The following C1QTNF3 variants were observed in gnomAD, a reference collection of about 807,000 sequenced individuals.
C1QTNF3 encodes complement C1q tumor necrosis factor-related protein 3.
In C1QTNF3, 26 loss-of-function variants were observed where a neutral mutation model predicts 32.6. The ratio of observed to expected loss-of-function variants is 0.80; its 90% CI spans 0.58 to 1.11. The LOEUF (loss-of-function observed/expected upper bound fraction) is 1.11, where lower values mean the gene tolerates loss of function less well. C1QTNF3 is among the 50% of genes least tolerant of loss of function. The probability of loss-of-function intolerance (pLI) is 0.00; values close to 1 mark genes in which losing one functional copy is unlikely to be tolerated. For missense variants in C1QTNF3, 362 were observed against 398.2 expected (o/e 0.91, Z 0.77); for synonymous variants, 155 against 146.0 (o/e 1.06, Z -0.44).
At chr5:34,028,665 C>T (rs756362321) in intron 4 of C1QTNF3, 89 bp downstream of exon 4, 24 of 1,140,102 alleles carry the variant, frequency 2.1e-5, no homozygotes, top group East Asian at 5.4e-5. Flanking sequence ...TCCCTTTCTC[C>T]GTCCCTCCCT....
At chr5:34,052,062 C>T in the C1QTNF3 span, among the ~76,000 whole-genome samples, 1,026 of 152,214 alleles carry the variant, frequency 6.7e-3, 11 homozygotes, top group South Asian at 0.046. Context: ...TGCTCGAACC[C>T]CGGAGGTGAA....
the C1QTNF3 span, among the ~76,000 whole-genome samples, chr5:34,197,396 C>G: frequency 3.3e-5 from 5 of 152,220 alleles, no homozygotes; most frequent in African/African-American, 7.2e-5. Flanking sequence ...GTGCCATTCT[C>G]TTATAAAAGA....
chr5:34,215,930 G>A, the C1QTNF3 span, among the ~76,000 whole-genome samples: 2 of 152,166 alleles, frequency 1.3e-5, no homozygotes, highest in Non-Finnish European at 2.9e-5. Context: ...ACTATGCCAG[G>A]ACTCTCTCAT....
At chr5:34,223,151 T>C in the C1QTNF3 span, among the ~76,000 whole-genome samples, 2 of 142,922 alleles carry the variant, frequency 1.4e-5, no homozygotes, top group Non-Finnish European at 3.1e-5. Flanking sequence ...ATATATCTCC[T>C]AATGCTATCC....
At chr5:34,044,073 A>C (rs1204273620), upstream of C1QTNF3, among the ~76,000 whole-genome samples, 1 of 152,198 alleles carries the variant, frequency 6.6e-6, no homozygotes, top group African/African-American at 2.4e-5. Context: ...CCCTGTCTCT[A>C]CTTAAAAAAT....
chr5:34,229,108 C>T, the C1QTNF3 span, among the ~76,000 whole-genome samples: 1 of 152,060 alleles, frequency 6.6e-6, no homozygotes, highest in Admixed American at 6.6e-5. Context: ...GGAAAGAAAG[C>T]TTATGCCTAC....
the C1QTNF3 span, among the ~76,000 whole-genome samples, chr5:34,173,351 C>T: frequency 6.7e-6 from 1 of 149,878 alleles, no homozygotes; most frequent in African/African-American, 2.5e-5. Context: ...GTAATAAACA[C>T]TGAAATTACA....
chr5:34,126,087 C>T, the C1QTNF3 span, among the ~76,000 whole-genome samples: 1 of 152,200 alleles, frequency 6.6e-6, no homozygotes, highest in Non-Finnish European at 1.5e-5. Context: ...AAAATCATCT[C>T]CCTTGTCAGC....
At chr5:34,069,431 C>G in the C1QTNF3 span, among the ~76,000 whole-genome samples, 31 of 152,212 alleles carry the variant, frequency 2.0e-4, no homozygotes, top group Middle Eastern at 3.4e-3. Flanking sequence ...TTGTGCTATA[C>G]TATCCCCTCT....
At chr5:34,132,431 GTATGTATATATATATATATA>G in the C1QTNF3 span, among the ~76,000 whole-genome samples, 17 of 29,410 alleles carry the variant, frequency 5.8e-4, no homozygotes, top group South Asian at 1.1e-3. Flanking sequence ...ATGTGTATGT[GTATGTATATATATATATATA>G]TATATATATA....
the C1QTNF3 span, among the ~76,000 whole-genome samples, chr5:34,074,562 T>G: frequency 6.6e-6 from 1 of 151,698 alleles, no homozygotes; most frequent in Non-Finnish European, 1.5e-5. Flanking sequence ...ACTCAGTTTC[T>G]CCCACTCTAA....
intron 4 of C1QTNF3, 86 bp downstream of exon 4, chr5:34,028,668 C>G (rs1754536909): frequency 6.5e-5 from 71 of 1,098,106 alleles, no homozygotes; most frequent in Non-Finnish European, 8.0e-5. Context: ...CTTTCTCCGT[C>G]CCTCCCTCTC....
At chr5:34,027,978 T>TC (rs1246363894) in intron 4 of C1QTNF3, among the ~76,000 whole-genome samples, 12 of 152,076 alleles carry the variant, frequency 7.9e-5, no homozygotes, top group Admixed American at 5.2e-4. Context: ...ATAAACAAGC[T>TC]CTTTTTTTTT....
chr5:34,174,160 C>T, the C1QTNF3 span, among the ~76,000 whole-genome samples: 10 of 152,198 alleles, frequency 6.6e-5, no homozygotes, highest in South Asian at 1.0e-3. Flanking sequence ...GAGGTTTAAG[C>T]GATTCTCATG....
chr5:34,047,064 T>A (rs1754998534), upstream of C1QTNF3, among the ~76,000 whole-genome samples: 1 of 152,230 alleles, frequency 6.6e-6, no homozygotes, highest in Non-Finnish European at 1.5e-5. Context: ...TTGGGCATAA[T>A]TTTTTACCTA....
chr5:34,200,520 AT>A, the C1QTNF3 span: 1 of 152,208 alleles, frequency 6.6e-6, no homozygotes, highest in South Asian at 2.1e-4. Context: ...CCTGTTTTGC[AT>A]TGGACATTTT....
At chr5:34,201,476 C>T in the C1QTNF3 span, among the ~76,000 whole-genome samples, 1 of 152,002 alleles carries the variant, frequency 6.6e-6, no homozygotes, top group Non-Finnish European at 1.5e-5. Context: ...AGGCTCGTTG[C>T]TTAAACATAA....
the C1QTNF3 span, among the ~76,000 whole-genome samples, chr5:34,213,827 G>T: frequency 0.61 from 14,055 of 22,906 alleles, 5,051 homozygotes; most frequent in Non-Finnish European, 0.75. Flanking sequence ...TTTTTTGTGT[G>T]TGTGATGGAG....
the C1QTNF3 span, among the ~76,000 whole-genome samples, chr5:34,181,150 C>T: frequency 3.3e-5 from 5 of 152,380 alleles, no homozygotes; most frequent in African/African-American, 1.2e-4. Flanking sequence ...CACCATTGCT[C>T]TGCCCATCCG....
Sources: gnomAD v4.1 joint callset for allele counts (sites outside exome capture counted in the v4.1 genomes callset) on GRCh38, gnomAD v4.1.1 for gene constraint, MANE v1.5 for transcripts, NCBI Gene and HGNC (gene_info 2026-07-23, HGNC 2026-07-21) for gene names.